OCA2: variants seen among roughly 807,000 people sequenced by gnomAD.
The protein encoded by OCA2 is OCA2 melanosomal transmembrane protein, also known as P protein.
OCA2 carries 77 observed loss-of-function variants against 100.2 expected under a neutral mutation model. That is an observed-to-expected ratio of 0.77 (90% confidence interval 0.64 to 0.93). The LOEUF (loss-of-function observed/expected upper bound fraction) is 0.93. Ranked by LOEUF, OCA2 falls within the 40% of genes least tolerant of loss-of-function variation. The pLI is 0.00. For synonymous variants in OCA2, 432 were observed against 439.2 expected, an observed-to-expected ratio of 0.98 and a Z score of 0.21; for missense variants, 1,062 against 1,089.1, an observed-to-expected ratio of 0.98 and a Z score of 0.35.
At chr15:27,976,219 A>C (rs1159835456) in intron 14 of OCA2, among the ~76,000 whole-genome samples, 1 of 152,178 alleles carries the variant, frequency 6.6e-6, no homozygotes, top group Non-Finnish European at 1.5e-5. Flanking sequence ...AAGACTTTTA[A>C]TTCTTCCTTA....
intron 23 of OCA2, among the ~76,000 whole-genome samples, chr15:27,805,945 T>G (rs1447934466): frequency 1.3e-5 from 2 of 152,212 alleles, no homozygotes; most frequent in Non-Finnish European, 1.5e-5. Context: ...CCAGGCCGAA[T>G]GGCCGAGCCC....
chr15:27,870,236 A>T (rs1397160449), intron 21 of OCA2, among the ~76,000 whole-genome samples: 1 of 152,148 alleles, frequency 6.6e-6, no homozygotes, highest in African/African-American at 2.4e-5. Flanking sequence ...CCTGCGGGGA[A>T]GGGGGAGACC....
chr15:27,811,381 G>A (rs1400320053), intron 23 of OCA2, among the ~76,000 whole-genome samples: 1 of 152,082 alleles, frequency 6.6e-6, no homozygotes, highest in Non-Finnish European at 1.5e-5. Context: ...TGAGAGGGAG[G>A]TGTGACATAA....
At position 27,902,887 on chromosome 15, in the gene OCA2, C is replaced by A. The variant is rs183785876; in HGVS notation, c.2079+23240G>T. Among the ~76,000 whole-genome samples, 55 of 152,348 alleles carry A rather than the reference C, an allele frequency of 3.6e-4. 1 individual carries two copies. The highest frequency in any genetic ancestry group is 3.3e-3 in the Admixed American group (50 of 15,302). ...AGTGCGTTCCTCCAAATCACGCTGA[C>A]GCACACGCGCGTCCCTAGCTGACAC... On this transcript the variant is annotated intron_variant, in intron 19 of 23. Transcript: ENST00000354638.
At chr15:27,986,984 G>A (rs1409691248) in intron 11 of OCA2, among the ~76,000 whole-genome samples, 2 of 152,194 alleles carry the variant, frequency 1.3e-5, no homozygotes, top group Non-Finnish European at 2.9e-5. Context: ...GTGCGAGGTG[G>A]GTTGCTCACA....
intron 2 of OCA2, among the ~76,000 whole-genome samples, chr15:28,080,035 TC>T (rs1242593269): frequency 6.6e-6 from 1 of 152,222 alleles, no homozygotes; most frequent in Non-Finnish European, 1.5e-5. Context: ...CTTCTGGTTT[TC>T]CCAATTCTTG....
At chr15:27,952,037 C>T (rs2040048813) in intron 17 of OCA2, 145 bp from the exon 18 acceptor site, 2 of 717,230 alleles carry the variant, frequency 2.8e-6, no homozygotes, top group East Asian at 2.7e-5. Flanking sequence ...TGGCAAAGTA[C>T]TGTGTTACAA....
At chr15:27,795,413 A>G (rs978341167) in intron 23 of OCA2, among the ~76,000 whole-genome samples, 6 of 151,372 alleles carry the variant, frequency 4.0e-5, no homozygotes, top group African/African-American at 1.2e-4. Context: ...AATAAATGGC[A>G]CCGCTGTTGA....
intron 9 of OCA2, among the ~76,000 whole-genome samples, chr15:28,014,074 T>G (rs1244489743): frequency 6.6e-6 from 1 of 152,126 alleles, no homozygotes; most frequent in Non-Finnish European, 1.5e-5. Context: ...CTCAGACCTA[T>G]CCCAAGCTCA....
At chr15:27,820,485 C>G (rs1333363564) in intron 23 of OCA2, among the ~76,000 whole-genome samples, 3 of 152,218 alleles carry the variant, frequency 2.0e-5, no homozygotes, top group African/African-American at 7.2e-5. Flanking sequence ...ACAAATCTCA[C>G]TTTAGTGCCA....
intron 21 of OCA2, among the ~76,000 whole-genome samples, chr15:27,857,662 A>T (rs1025450423): frequency 3.3e-5 from 5 of 152,178 alleles, no homozygotes; most frequent in African/African-American, 1.2e-4. Flanking sequence ...TAAAAGAAAA[A>T]AAATAAATAA....
At chr15:27,888,694 G>C (rs1342484847) in intron 19 of OCA2, among the ~76,000 whole-genome samples, 2 of 152,000 alleles carry the variant, frequency 1.3e-5, no homozygotes, top group Non-Finnish European at 2.9e-5. Context: ...AAATTTTACA[G>C]CATCTTCAAT....
rs959466109 is a variant in OCA2 at position 27,957,847 on chromosome 15, C to T, written c.1637-112G>A. 41 of 1,313,874 alleles carry T rather than the reference C, an allele frequency of 3.1e-5. No individual in the cohort carries two copies. In the South Asian group the frequency reaches 4.2e-4, roughly 13 times the overall value. The allele number at this position is 1,313,874 out of a possible 1,614,324, so 81.4% of individuals were successfully genotyped here. On this transcript the variant is annotated intron_variant, in intron 15 of 23. Coordinates refer to ENST00000354638, the MANE Select transcript of OCA2 (RefSeq NM_000275.3). This position sits in a 1 kb window ranked among gnomAD's most constrained non-coding sequence, Gnocchi z 4.3. ...TGACAGAGCAGACACACACTCGAGA[C>T]GTGCAGGTAGCCCAGGGTCACCCAG...
In OCA2 at chr15:28,015,168, A is replaced by G. The variant is rs536006308; in HGVS notation, c.891-239T>C. ...AGCCTTCCTGTGACACCACCCGACA[A>G]TGAACAGTGAGTAGGGGCCTGCACA... On this transcript the variant is annotated intron_variant, in intron 8 of 23. Transcript: ENST00000354638. Among the ~76,000 whole-genome samples, 4 of 152,230 alleles carry G rather than the reference A, an allele frequency of 2.6e-5. No homozygotes were observed. The South Asian group carries it at 8.3e-4, about 32-fold the overall frequency.
chr15:27,870,724 G>A (rs1343019036), intron 21 of OCA2, among the ~76,000 whole-genome samples: 1 of 94,864 alleles, frequency 1.1e-5, no homozygotes, highest in Non-Finnish European at 1.9e-5. Flanking sequence ...AGGAAGGAAA[G>A]AAGGAAGGAA....
At chr15:27,780,138 A>T (rs1357180922) in intron 23 of OCA2, among the ~76,000 whole-genome samples, 1 of 152,184 alleles carries the variant, frequency 6.6e-6, no homozygotes, top group Non-Finnish European at 1.5e-5. Flanking sequence ...AATTCCATTA[A>T]AGGAAATGTT....
At chr15:27,825,094 G>C (rs531053374) in intron 23 of OCA2, among the ~76,000 whole-genome samples, 10 of 152,276 alleles carry the variant, frequency 6.6e-5, no homozygotes, top group Non-Finnish European at 1.5e-4. Context: ...TATCACATTA[G>C]ACACAATTAA....
At chr15:27,964,814 G>C (rs1056408357) in intron 15 of OCA2, among the ~76,000 whole-genome samples, 2 of 152,130 alleles carry the variant, frequency 1.3e-5, no homozygotes, top group Admixed American at 1.3e-4. Flanking sequence ...CAGTGGCACA[G>C]AGCAATCACC....
Position 27,951,801 on chromosome 15 carries a change from C to T in OCA2, c.1934G>A (p.Gly645Asp), listed in dbSNP as rs751422581. The T allele has an allele frequency of 6.2e-7, 1 of 1,611,500 alleles. No individual in the cohort carries two copies. Among genetic ancestry groups the T allele is most frequent in the South Asian group, 1.1e-5 (1 of 90,994 alleles). The change falls in exon 18 of 24, where the codon GGC (glycine) becomes GAC (aspartate). Residue 645 changes from glycine to aspartate, a missense_variant. Physicochemically the swap from Gly to Asp is moderately conservative, Grantham distance 94. Transcript: ENST00000354638. ...FMFFLNSFVP[G>D]IHLDLGWIAI... is the part of the protein sequence containing the mutation. ...AGACTCACCAAGATCAAGATGAATGCCAGGGACAAACGAATTGAGGAAAAA... is the reference window on the plus strand; with the variant it reads ...AGACTCACCAAGATCAAGATGAATGTCAGGGACAAACGAATTGAGGAAAAA...
Sources: gnomAD v4.1 joint callset for allele counts (sites outside exome capture counted in the v4.1 genomes callset) on GRCh38, gnomAD v4.1.1 for gene constraint, Gnocchi (gnomAD v3.1) non-coding constraint, MANE v1.5 for transcripts, NCBI Gene and HGNC (gene_info 2026-07-23, HGNC 2026-07-21) for gene names.